Variants in IL1RAPL1 observed in about 807,000 individuals in gnomAD.
IL1RAPL1 encodes interleukin 1 receptor accessory protein like 1.
In IL1RAPL1, 3 loss-of-function variants were observed where a neutral mutation model predicts 48.4. The ratio of observed to expected loss-of-function variants is 0.06; its 90% CI spans 0.03 to 0.16. The LOEUF (loss-of-function observed/expected upper bound fraction) is 0.16, where lower values mean the gene tolerates loss of function less well. IL1RAPL1 is among the 10% of genes least tolerant of loss of function. IL1RAPL1 has a pLI of 1.00. For missense variants in IL1RAPL1, 349 were observed against 530.6 expected, an observed-to-expected ratio of 0.66 and a Z score of 3.36; for synonymous variants, 185 against 187.7, an observed-to-expected ratio of 0.99 and a Z score of 0.12.
At chrX:28,974,159 G>A (rs1175196168) in intron 2 of IL1RAPL1, among the ~76,000 whole-genome samples, 2 of 111,672 alleles carry the variant, frequency 1.8e-5, no homozygotes, top group South Asian at 7.4e-4. Context: ...ACCTGGATGT[G>A]ACTCCTGGCT....
intron 5 of IL1RAPL1, among the ~76,000 whole-genome samples, chrX:29,659,625 GT>G (rs1925782232): frequency 9.0e-6 from 1 of 111,622 alleles, no homozygotes; most frequent in Non-Finnish European, 1.9e-5. Context: ...TTGTGTTTTT[GT>G]TTTTGGTTTG....
intron 2 of IL1RAPL1, among the ~76,000 whole-genome samples, chrX:29,057,704 C>T (rs750343773): frequency 6.1e-4 from 68 of 111,697 alleles, no homozygotes; most frequent in Non-Finnish European, 1.1e-3. Context: ...GCTGGGATTA[C>T]AGGCATGAGC....
chrX:28,940,311 A>G (rs1924133299), intron 2 of IL1RAPL1, among the ~76,000 whole-genome samples: 1 of 111,358 alleles, frequency 9.0e-6, no homozygotes, highest in Non-Finnish European at 1.9e-5. Flanking sequence ...CAAAAAAGAC[A>G]TATATTTATG....
At chrX:29,889,909 T>TTATA (rs751496040) in intron 6 of IL1RAPL1, among the ~76,000 whole-genome samples, 2 of 110,038 alleles carry the variant, frequency 1.8e-5, no homozygotes, top group African/African-American at 6.6e-5. Context: ...ATGAAATTTG[T>TTATA]TATATATATA....
intron 6 of IL1RAPL1, among the ~76,000 whole-genome samples, chrX:29,776,833 A>G (rs1929211038): frequency 1.8e-5 from 2 of 111,756 alleles, no homozygotes; most frequent in Admixed American, 1.9e-4. Context: ...ATTTTAAACA[A>G]TAGACATTTT....
rs753848899 is a variant in IL1RAPL1 at position 28,620,309 on chromosome X, C to T, written c.-25+32262C>T. On this transcript the variant is annotated intron_variant, in intron 1 of 10. Coordinates refer to ENST00000378993, the MANE Select transcript of IL1RAPL1 (RefSeq NM_014271.4). ...ATATTACATTTCTCTGTTAAATAAA[C>T]GTTTTCCATTGCATGTCAATATCTC... Among the ~76,000 whole-genome samples the T allele has an allele frequency of 3.6e-4, 40 of 111,850 alleles. No homozygotes were observed. The South Asian group carries it at 0.014, about 39-fold the overall frequency.
chrX:29,658,892 G>C (rs1398137649), intron 5 of IL1RAPL1, among the ~76,000 whole-genome samples: 1 of 111,708 alleles, frequency 9.0e-6, no homozygotes, highest in Non-Finnish European at 1.9e-5. Flanking sequence ...TAATTTTCCT[G>C]CTGTACAATA....
At chrX:29,908,932 C>T (rs1014836589) in intron 6 of IL1RAPL1, among the ~76,000 whole-genome samples, 1 of 111,669 alleles carries the variant, frequency 9.0e-6, no homozygotes, top group Non-Finnish European at 1.9e-5. Context: ...AACAATATTC[C>T]ATTAAACAGT....
chrX:28,637,840 C>A (rs902515071), intron 1 of IL1RAPL1, among the ~76,000 whole-genome samples: 1 of 112,274 alleles, frequency 8.9e-6, no homozygotes, highest in African/African-American at 3.2e-5. Context: ...ATTTTGATCC[C>A]ATTTTAGTCA....
chrX:29,122,534 A>G (rs942376794), intron 2 of IL1RAPL1, among the ~76,000 whole-genome samples: 2 of 100,524 alleles, frequency 2.0e-5, no homozygotes, highest in African/African-American at 7.4e-5. Context: ...TCCATATCCC[A>G]TCATGAGCCT....
chrX:28,990,832 C>T (rs1288512550), intron 2 of IL1RAPL1, among the ~76,000 whole-genome samples: 1 of 111,426 alleles, frequency 9.0e-6, no homozygotes, highest in Non-Finnish European at 1.9e-5. Flanking sequence ...CATATAAACT[C>T]TTCGGAGGCC....
At chrX:28,609,664 A>ACACACACACAC (rs1569137648) in intron 1 of IL1RAPL1, among the ~76,000 whole-genome samples, 2 of 70,651 alleles carry the variant, frequency 2.8e-5, no homozygotes, top group African/African-American at 1.1e-4. Flanking sequence ...CACACACACA[A>ACACACACACAC]CATACCTACC....
intron 2 of IL1RAPL1, among the ~76,000 whole-genome samples, chrX:29,228,106 A>G (rs1931115254): frequency 9.4e-6 from 1 of 106,776 alleles, no homozygotes; most frequent in South Asian, 4.4e-4. Flanking sequence ...TTGATGTCAG[A>G]AGCTAGAACC....
intron 6 of IL1RAPL1, among the ~76,000 whole-genome samples, chrX:29,785,084 A>G (rs1929462407): frequency 8.9e-6 from 1 of 112,315 alleles, no homozygotes; most frequent in South Asian, 3.7e-4. Flanking sequence ...GCAATCAAGA[A>G]ATCAGTTTAT....
chrX:29,339,620 C>T (rs748032541), intron 3 of IL1RAPL1, among the ~76,000 whole-genome samples: 33 of 111,955 alleles, frequency 2.9e-4, no homozygotes, highest in Admixed American at 1.1e-3. Flanking sequence ...GTATACCCTA[C>T]GCTTAGTTTT....
rs189591544 is a variant in IL1RAPL1 at position 29,466,546 on chromosome X, A to G, written c.703+67238A>G. On this transcript the variant is annotated intron_variant, in intron 5 of 10. Transcript: ENST00000378993. The stretch of plus-strand genomic sequence containing the variant: ...ACAAACAAAAATCCTGTGGGTTTCT[A>G]TTGTTTTTACTTATGCAATTTCTCA... Among the ~76,000 whole-genome samples, 361 of 111,889 alleles carry G rather than the reference A, an allele frequency of 3.2e-3. 1 individual carries two copies. The highest frequency in any genetic ancestry group is 0.01 in the African/African-American group (321 of 30,709).
intron 3 of IL1RAPL1, among the ~76,000 whole-genome samples, chrX:29,322,189 C>G (rs1932807854): frequency 9.1e-6 from 1 of 109,764 alleles, no homozygotes; most frequent in Non-Finnish European, 1.9e-5. Context: ...TCTTTTCTTT[C>G]TCTTTTTTTC....
chrX:28,935,794 C>T (rs1924001750), intron 2 of IL1RAPL1, among the ~76,000 whole-genome samples: 1 of 111,578 alleles, frequency 9.0e-6, no homozygotes, highest in Non-Finnish European at 1.9e-5. Context: ...CTAATGCTGC[C>T]CCGCTAAGAT....
intron 1 of IL1RAPL1, among the ~76,000 whole-genome samples, chrX:28,751,221 G>A (rs575622398): frequency 3.0e-4 from 33 of 111,410 alleles, no homozygotes; most frequent in African/African-American, 1.1e-3. Flanking sequence ...AATATCATTA[G>A]CAATATGATA....
Sources: gnomAD v4.1 joint callset for allele counts (sites outside exome capture counted in the v4.1 genomes callset) on GRCh38, gnomAD v4.1.1 for gene constraint, MANE v1.5 for transcripts, NCBI Gene and HGNC (gene_info 2026-07-23, HGNC 2026-07-21) for gene names.